Variants in CADM4 observed in about 807,000 individuals in gnomAD.
CADM4 encodes the protein cell adhesion molecule 4, also known as TSLC1-like 2.
A neutral mutation model predicts 43.9 loss-of-function variants in CADM4; 13 were observed. The observed-to-expected ratio is 0.30, with a 90% CI of 0.19 to 0.47. The LOEUF (loss-of-function observed/expected upper bound fraction) is 0.47, where lower values mean the gene tolerates loss of function less well. CADM4 is among the 20% of genes least tolerant of loss of function. The pLI, the probability that CADM4 is intolerant of heterozygous loss-of-function variation, is 1.00. For synonymous variants in CADM4, 209 were observed against 220.9 expected (o/e 0.95, Z 0.48); for missense variants, 420 against 527.0 (o/e 0.80, Z 1.99).
At position 43,628,527 on chromosome 19, in the gene CADM4, G is replaced by T. The variant is rs149607938; in HGVS notation, c.65-737C>A. 1.2e-4 allele frequency among the ~76,000 whole-genome samples: 19 copies of T among 152,288 alleles called. No individual in the cohort carries two copies. The East Asian group carries it at 3.5e-3, about 28-fold the overall frequency. On this transcript the variant is annotated intron_variant, in intron 1 of 8. Transcript: ENST00000222374. The stretch of plus-strand genomic sequence containing the variant: ...CACCAAGCCTCATCTTTCACACCTG[G>T]GCACATGTTGTAGCCCGTTTGCAAA...
At chr19:43,629,946 A>G (rs984305942) in intron 1 of CADM4, among the ~76,000 whole-genome samples, 3 of 150,882 alleles carry the variant, frequency 2.0e-5, no homozygotes, top group Non-Finnish European at 4.4e-5. Flanking sequence ...AATTTGAGAC[A>G]AGGTCAGGCT....
At chr19:43,637,161 T>C (rs1973715743) in intron 1 of CADM4, among the ~76,000 whole-genome samples, 1 of 152,140 alleles carries the variant, frequency 6.6e-6, no homozygotes, top group Non-Finnish European at 1.5e-5. Context: ...TCTCATCTTC[T>C]TCTGCTATGC....
chr19:43,636,660 C>T lies in CADM4; in HGVS notation c.64+3067G>A, dbSNP rs115962227. On this transcript the variant is annotated intron_variant, in intron 1 of 8. Coordinates refer to ENST00000222374, the MANE Select transcript of CADM4 (RefSeq NM_145296.2). Reference sequence around the variant, plus strand: ...TTGTGTTCTCCAAGATGGGGACAGGCCAGGCTCGCACGACATTAACCCAGC... The same window carrying T: ...TTGTGTTCTCCAAGATGGGGACAGGTCAGGCTCGCACGACATTAACCCAGC... Among the ~76,000 whole-genome samples the T allele has an allele frequency of 6.7e-3, 1,015 of 151,974 alleles. 9 individuals carry two copies. Among genetic ancestry groups the T allele is most frequent in the African/African-American group, 0.024 (976 of 41,472 alleles).
Position 43,623,531 on chromosome 19 carries a change from A to C in CADM4, c.1058-92T>G. On this transcript the variant is annotated intron_variant, in intron 8 of 8. Coordinates refer to ENST00000222374, the MANE Select transcript of CADM4 (RefSeq NM_145296.2). The surrounding 1 kb of genome is among the most constrained non-coding windows in gnomAD (Gnocchi z 4.4). ...ATAAGGGAAGAGGGAGACAGACAAG[A>C]CACATGCCAGGCGAAGGAAGAGGGA... is the stretch of plus-strand genomic sequence containing the variant. 1 of 818,254 alleles carries C rather than the reference A, an allele frequency of 1.2e-6. No individual in the cohort carries two copies. Among genetic ancestry groups the C allele is most frequent in the East Asian group, 2.4e-5 (1 of 41,160 alleles). 50.7% of individuals were successfully genotyped at this position (818,254 alleles called of 1,614,324 possible). A position where few individuals can be genotyped will look rare whatever the true frequency, so the allele number is the denominator to read the frequency against.
rs1416712634 is a variant in CADM4 at position 43,625,781 on chromosome 19, C to T, written c.755+130G>A. 3 of 729,350 alleles carry T rather than the reference C, an allele frequency of 4.1e-6. No homozygotes were observed. The highest frequency in any genetic ancestry group is 4.6e-6 in the Non-Finnish European group (2 of 437,230). 45.2% of individuals were successfully genotyped at this position (729,350 alleles called of 1,614,324 possible). On this transcript the variant is annotated intron_variant, in intron 6 of 8. Coordinates refer to ENST00000222374, the MANE Select transcript of CADM4 (RefSeq NM_145296.2). This position sits in a 1 kb window ranked among gnomAD's most constrained non-coding sequence, Gnocchi z 4.5. Reference sequence around the variant, plus strand: ...CTCCTCAGGACCCAGGAATCCAGGTCCTAGCTCCCTGTTTGTCCAGGTCCT... The same window carrying T: ...CTCCTCAGGACCCAGGAATCCAGGTTCTAGCTCCCTGTTTGTCCAGGTCCT...
chr19:43,624,267 C>T (rs1317404425), intron 7 of CADM4, 25 bp from the exon 8 acceptor site: 2 of 1,614,090 alleles, frequency 1.2e-6, no homozygotes, highest in South Asian at 1.1e-5. Context: ...CGGCACAGGA[C>T]CAGGTCATCA....
At chr19:43,628,796 G>A (rs1042160998) in intron 1 of CADM4, among the ~76,000 whole-genome samples, 1 of 152,214 alleles carries the variant, frequency 6.6e-6, no homozygotes, top group East Asian at 1.9e-4. Context: ...GAACAATCAT[G>A]GTGAAAGAGA....
intron 1 of CADM4, among the ~76,000 whole-genome samples, chr19:43,637,982 T>C (rs1226854058): frequency 6.6e-6 from 1 of 152,230 alleles, no homozygotes; most frequent in Admixed American, 6.5e-5. Flanking sequence ...TCCAGGATTC[T>C]ATGAGCCTGG....
Position 43,627,195 on chromosome 19 carries a change from T to C in CADM4, c.335A>G (p.His112Arg). ...YFCQLYTEDT[H>R]HQIATLTVLV... ...TACCGTGAGCGTGGCAATCTGGTGG[T>C]GGGTGTCTTCTGTGTAGAGCTGGCA... The change falls in exon 3 of 9, where the codon CAC becomes CGC. Residue 112 changes from histidine to arginine, a missense_variant. Physicochemically the swap from His to Arg is conservative, Grantham distance 29. Coordinates refer to ENST00000222374, the MANE Select transcript of CADM4 (RefSeq NM_145296.2). This position sits in a 1 kb window ranked among gnomAD's most constrained non-coding sequence, Gnocchi z 4.0. 1.2e-6 allele frequency: 2 copies of C among 1,606,258 alleles called. No homozygotes were observed. Among genetic ancestry groups the C allele is most frequent in the Non-Finnish European group, 8.5e-7 (1 of 1,175,384 alleles).
intron 1 of CADM4, among the ~76,000 whole-genome samples, chr19:43,636,392 G>A (rs531902345): frequency 8.5e-5 from 13 of 152,066 alleles, no homozygotes; most frequent in Non-Finnish European, 1.6e-4. Context: ...CCCTCTGTCC[G>A]AACCTCCACG....
At chr19:43,631,870 C>T (rs993362781) in intron 1 of CADM4, among the ~76,000 whole-genome samples, 1 of 152,080 alleles carries the variant, frequency 6.6e-6, no homozygotes, top group Non-Finnish European at 1.5e-5. Context: ...TTCTGGACTT[C>T]TTTTATGTTT....
In CADM4 at chr19:43,639,790, T is replaced by TGGTGCC. The variant is rs1973750836; in HGVS notation, c.-6_-1dup. On this transcript the variant is annotated 5_prime_UTR_variant, in exon 1 of 9. Coordinates refer to ENST00000222374, the MANE Select transcript of CADM4 (RefSeq NM_145296.2). ...CACTGGAAGCGCCGGGCCCGGCCCA[T>TGGTGCC]GGTGCCGCCGCCGCCGCCGCCGCCG... 1 of 1,003,748 alleles carries TGGTGCC rather than the reference T, an allele frequency of 1.0e-6. No homozygotes were observed. The highest frequency in any genetic ancestry group is 5.8e-5 in the Admixed American group (1 of 17,146). 62.2% of individuals were successfully genotyped at this position (1,003,748 alleles called of 1,614,324 possible).
upstream of CADM4, among the ~76,000 whole-genome samples, chr19:43,640,296 C>G (rs1314170849): frequency 1.3e-5 from 2 of 149,458 alleles, no homozygotes. Context: ...GACGGGGGAG[C>G]GTAAGGGAGG....
intron 1 of CADM4, among the ~76,000 whole-genome samples, chr19:43,634,215 G>T (rs1175910726): frequency 6.6e-6 from 1 of 152,184 alleles, no homozygotes; most frequent in Non-Finnish European, 1.5e-5. Flanking sequence ...AGCCCTCTCT[G>T]CAAGGCTGTT....
chr19:43,627,876 C>T lies in CADM4; in HGVS notation c.65-86G>A. 1 of 1,285,118 alleles carries T rather than the reference C, an allele frequency of 7.8e-7. No individual in the cohort carries two copies. The highest frequency in any genetic ancestry group is 1.8e-5 in the Admixed American group (1 of 54,488). The allele number at this position is 1,285,118 out of a possible 1,614,324, so 79.6% of individuals were successfully genotyped here. A position where few individuals can be genotyped will look rare whatever the true frequency, so the allele number is the denominator to read the frequency against. Reference sequence around the variant, plus strand: ...TCTTTCTCCCTCTTCCCCATCCAAACCTCCAATCCCTCTCTTTCCCCTCAT... The same window carrying T: ...TCTTTCTCCCTCTTCCCCATCCAAATCTCCAATCCCTCTCTTTCCCCTCAT... On this transcript the variant is annotated intron_variant, in intron 1 of 8. Coordinates refer to ENST00000222374, the MANE Select transcript of CADM4 (RefSeq NM_145296.2). The surrounding 1 kb of genome is among the most constrained non-coding windows in gnomAD (Gnocchi z 4.0).
chr19:43,625,916 G>A lies in CADM4; in HGVS notation c.750C>T (p.Asn250=). Residue 250 remains asparagine, a synonymous_variant, in exon 6 of 9, where the codon AAC becomes AAT. Transcript: ENST00000222374. This position sits in a 1 kb window ranked among gnomAD's most constrained non-coding sequence, Gnocchi z 4.5. ...AGGAGGCCCCCAGAGCTCACCTGGG[G>A]TTCCCCGTGACAGCACACGTCAACA... ...TLVLTCAVTG[N]PRPNQIRWNR... The A allele has an allele frequency of 6.2e-7, 1 of 1,613,952 alleles. No homozygotes were observed. The highest frequency in any genetic ancestry group is 1.1e-5 in the South Asian group (1 of 91,076).
chr19:43,639,755 C>A lies in CADM4; in HGVS notation c.36G>T (p.Leu12=), dbSNP rs1284172839. 1 of 1,026,882 alleles carries A rather than the reference C, an allele frequency of 9.7e-7. No homozygotes were observed. Among genetic ancestry groups the A allele is most frequent in the Admixed American group, 4.8e-5 (1 of 20,658 alleles). 63.6% of individuals were successfully genotyped at this position (1,026,882 alleles called of 1,614,324 possible). A position where few individuals can be genotyped will look rare whatever the true frequency, so the allele number is the denominator to read the frequency against. ...GCCCCGCCGCGGCCGCCCACAGCAG[C>A]AGCAGCGGCCACTGGAAGCGCCGGG... ...GRARRFQWPL[L]LLWAAAAGPG... Residue 12 remains leucine, a synonymous_variant, in exon 1 of 9, where the codon CTG becomes CTT. Transcript: ENST00000222374.
rs765240877 is a variant in CADM4, at chr19:43,625,878, C to G, written c.755+33G>C. On this transcript the variant is annotated intron_variant, in intron 6 of 8. Transcript: ENST00000222374. The surrounding 1 kb of genome is among the most constrained non-coding windows in gnomAD (Gnocchi z 4.5). ...GTTCTTCCAGGTCCCCAGCTTTCTCCTCCTGAGGACGCAGGAGGCCCCCAG... is the reference window on the plus strand; with the variant it reads ...GTTCTTCCAGGTCCCCAGCTTTCTCGTCCTGAGGACGCAGGAGGCCCCCAG... The G allele has an allele frequency of 1.3e-6, 2 of 1,587,568 alleles. No homozygotes were observed. Among genetic ancestry groups the G allele is most frequent in the South Asian group, 1.1e-5 (1 of 90,498 alleles).
rs746776033 is a variant in CADM4, at chr19:43,626,977, G to T, written c.365-59C>A. ...GAAGGCACGAACGTGGGCTCAAAGC[G>T]ATCGAGCTGCCTGTTCCCAGCGACC... On this transcript the variant is annotated intron_variant, in intron 3 of 8. Transcript: ENST00000222374. The surrounding 1 kb of genome is among the most constrained non-coding windows in gnomAD (Gnocchi z 5.9). The T allele has an allele frequency of 1.1e-4, 170 of 1,512,720 alleles. No individual in the cohort carries two copies. Among genetic ancestry groups the T allele is most frequent in the Non-Finnish European group, 1.5e-4 (167 of 1,128,224 alleles). The allele number at this position is 1,512,720 out of a possible 1,614,324, so 93.7% of individuals were successfully genotyped here.
Sources: gnomAD v4.1 joint callset for allele counts (sites outside exome capture counted in the v4.1 genomes callset) on GRCh38, gnomAD v4.1.1 for gene constraint, Gnocchi (gnomAD v3.1) non-coding constraint, MANE v1.5 for transcripts, NCBI Gene and HGNC (gene_info 2026-07-23, HGNC 2026-07-21) for gene names.